The following LRRC4C variants were observed in gnomAD, a reference collection of about 807,000 sequenced individuals.
LRRC4C encodes leucine rich repeat containing 4C.
Under a neutral mutation model 33.6 loss-of-function variants are expected in LRRC4C, and 5 were observed. The observed-to-expected ratio is 0.15, with a 90% CI of 0.08 to 0.31. The LOEUF (loss-of-function observed/expected upper bound fraction) is 0.31. Ranked by LOEUF, LRRC4C falls within the 10% of genes least tolerant of loss-of-function variation. The probability of loss-of-function intolerance (pLI) is 1.00; values close to 1 mark genes in which losing one functional copy is unlikely to be tolerated. For synonymous variants in LRRC4C, 329 were observed against 302.0 expected (o/e 1.09, Z -0.93); for missense variants, 560 against 796.7 (o/e 0.70, Z 3.58).
At chr11:40,563,448 G>C (rs1957634008) in intron 3 of LRRC4C, among the ~76,000 whole-genome samples, 1 of 152,116 alleles carries the variant, frequency 6.6e-6, no homozygotes, top group South Asian at 2.1e-4. Context: ...CGGTGGAGTG[G>C]GATGATTATG....
At chr11:40,939,592 A>G (rs190039885) in intron 1 of LRRC4C, among the ~76,000 whole-genome samples, 48 of 152,238 alleles carry the variant, frequency 3.2e-4, no homozygotes, top group African/African-American at 1.0e-3. Flanking sequence ...CAGAAACTAG[A>G]CACTTTGTAT....
intron 3 of LRRC4C, among the ~76,000 whole-genome samples, chr11:40,565,410 T>C (rs543779003): frequency 6.6e-6 from 1 of 152,322 alleles, no homozygotes. Context: ...GCTAAAATTA[T>C]ACTATCCCAA....
Position 40,729,760 on chromosome 11 carries a change from C to T in LRRC4C, c.-406-81482G>A, listed in dbSNP as rs151268944. ...CATTTTAAAATTACACCTTCACACA[C>T]GATCATTCATAGTAGATAAACCTAT... On this transcript the variant is annotated intron_variant, in intron 2 of 6. Coordinates refer to ENST00000528697, the MANE Select transcript of LRRC4C (RefSeq NM_001258419.2). Among the ~76,000 whole-genome samples the T allele has an allele frequency of 2.7e-3, 416 of 152,248 alleles. 1 individual carries two copies. The highest frequency in any genetic ancestry group is 8.5e-3 in the African/African-American group (355 of 41,540).
At position 40,601,148 on chromosome 11, in the gene LRRC4C, C is replaced by T. The variant is rs114969645; in HGVS notation, c.-270+46994G>A. Among the ~76,000 whole-genome samples the T allele has an allele frequency of 6.1e-3, 933 of 152,320 alleles. 14 individuals are homozygous for T. Among genetic ancestry groups the T allele is most frequent in the African/African-American group, 0.022 (907 of 41,582 alleles). On this transcript the variant is annotated intron_variant, in intron 3 of 6. Transcript: ENST00000528697. ...ATCTAGACTTTACTTAAAGTACTTGCTTTATCTTCTGCTTCTCACCAAGTA... is the reference window on the plus strand; with the variant it reads ...ATCTAGACTTTACTTAAAGTACTTGTTTTATCTTCTGCTTCTCACCAAGTA...
chr11:41,163,615 GT>G (rs111894064), intron 1 of LRRC4C, among the ~76,000 whole-genome samples: 12 of 143,210 alleles, frequency 8.4e-5, no homozygotes, highest in Middle Eastern at 7.6e-3. Context: ...TTTAAAAACT[GT>G]TTTTTTTTTG....
At chr11:41,021,516 G>T (rs372151920) in intron 1 of LRRC4C, among the ~76,000 whole-genome samples, 1 of 151,986 alleles carries the variant, frequency 6.6e-6, no homozygotes, top group Non-Finnish European at 1.5e-5. Flanking sequence ...TTTGATAGCT[G>T]GTTGATAAGA....
chr11:41,114,155 T>C (rs1390398861), intron 1 of LRRC4C, among the ~76,000 whole-genome samples: 1 of 152,042 alleles, frequency 6.6e-6, no homozygotes, highest in African/African-American at 2.4e-5. Flanking sequence ...AATGAAAACT[T>C]TCAGTTTTCA....
intron 2 of LRRC4C, among the ~76,000 whole-genome samples, chr11:40,885,045 G>A (rs957511766): frequency 5.3e-5 from 8 of 151,852 alleles, no homozygotes; most frequent in Non-Finnish European, 1.0e-4. Flanking sequence ...ACACTATTTG[G>A]GTTCTGGTTA....
chr11:40,748,656 T>G (rs1476325485), intron 2 of LRRC4C, among the ~76,000 whole-genome samples: 1 of 152,130 alleles, frequency 6.6e-6, no homozygotes. Flanking sequence ...GAATGTAAAT[T>G]GATTAAATTT....
chr11:40,451,547 G>A (rs1287871945), intron 3 of LRRC4C, among the ~76,000 whole-genome samples: 1 of 151,442 alleles, frequency 6.6e-6, no homozygotes, highest in Non-Finnish European at 1.5e-5. Context: ...CACCATGCCT[G>A]GCAAATTTTT....
chr11:40,788,036 G>A (rs903406124), intron 2 of LRRC4C, among the ~76,000 whole-genome samples: 1 of 152,110 alleles, frequency 6.6e-6, no homozygotes, highest in Non-Finnish European at 1.5e-5. Flanking sequence ...CACAATTTAG[G>A]CAGGGAGGTA....
At chr11:41,348,788 G>A (rs138980698) in intron 1 of LRRC4C, among the ~76,000 whole-genome samples, 70 of 152,270 alleles carry the variant, frequency 4.6e-4, no homozygotes, top group Non-Finnish European at 8.8e-4. Context: ...AACGAAATAG[G>A]CATGGAGTGG....
chr11:40,785,428 T>G (rs1950374160), intron 2 of LRRC4C, among the ~76,000 whole-genome samples: 1 of 152,188 alleles, frequency 6.6e-6, no homozygotes, highest in Non-Finnish European at 1.5e-5. Flanking sequence ...CTAAAGGGTA[T>G]TATTAGAGGC....
At chr11:40,234,940 C>T (rs1009301664) in intron 5 of LRRC4C, among the ~76,000 whole-genome samples, 3 of 152,176 alleles carry the variant, frequency 2.0e-5, no homozygotes, top group African/African-American at 7.2e-5. Context: ...GGTTTCTCCC[C>T]ATTGAGAACC....
intron 1 of LRRC4C, among the ~76,000 whole-genome samples, chr11:41,408,798 T>G (rs1954346978): frequency 6.7e-6 from 1 of 148,894 alleles, no homozygotes; most frequent in Non-Finnish European, 1.5e-5. Context: ...ATGGCTTGGC[T>G]TTTCATAGAG....
chr11:40,261,455 G>T (rs1310789024), intron 4 of LRRC4C, among the ~76,000 whole-genome samples: 1 of 152,084 alleles, frequency 6.6e-6, no homozygotes, highest in Non-Finnish European at 1.5e-5. Flanking sequence ...AGGAAGAAAA[G>T]GGCATTCTTC....
chr11:41,137,013 C>T (rs962436038), intron 1 of LRRC4C, among the ~76,000 whole-genome samples: 1 of 151,950 alleles, frequency 6.6e-6, no homozygotes, highest in Admixed American at 6.6e-5. Context: ...TTTAGGAGGC[C>T]GAGGCAGGTG....
chr11:41,307,625 G>A lies in LRRC4C; in HGVS notation c.-496+151806C>T, dbSNP rs139787439. ...TGGACAGTGCAGTTTGCTCTGTGAA[G>A]AATCTCATTACCAAGTGACTTTGTG... On this transcript the variant is annotated intron_variant, in intron 1 of 6. Coordinates refer to ENST00000528697, the MANE Select transcript of LRRC4C (RefSeq NM_001258419.2). Among the ~76,000 whole-genome samples, 1,492 of 152,294 alleles carry A rather than the reference G, an allele frequency of 9.8e-3. 38 individuals are homozygous for A. The highest frequency in any genetic ancestry group is 0.053 in the Admixed American group (812 of 15,302).
chr11:40,125,825 AC>A (rs1330480448), intron 6 of LRRC4C, among the ~76,000 whole-genome samples: 1 of 152,176 alleles, frequency 6.6e-6, no homozygotes, highest in African/African-American at 2.4e-5. Flanking sequence ...ATTAAATAAC[AC>A]CATTACCAAA....
Sources: gnomAD v4.1 joint callset for allele counts (sites outside exome capture counted in the v4.1 genomes callset) on GRCh38, gnomAD v4.1.1 for gene constraint, MANE v1.5 for transcripts, NCBI Gene and HGNC (gene_info 2026-07-23, HGNC 2026-07-21) for gene names.